The following PDE11A variants were observed in gnomAD, a reference collection of about 807,000 sequenced individuals.
PDE11A encodes dual 3',5'-cyclic-AMP and -GMP phosphodiesterase 11A.
Under a neutral mutation model 100.5 loss-of-function variants are expected in PDE11A, and 100 were observed. The observed-to-expected ratio is 1.00, with a 90% CI of 0.85 to 1.18. The LOEUF is 1.18. Ranked by LOEUF, PDE11A falls within the 50% of genes most tolerant of loss-of-function variation. The pLI, the probability that PDE11A is intolerant of heterozygous loss-of-function variation, is 0.00. For synonymous variants in PDE11A, 381 were observed against 420.8 expected (o/e 0.91, Z 1.16); for missense variants, 1,141 against 1,152.6 (o/e 0.99, Z 0.15).
At chr2:177,676,506 T>C (rs1285242544) in intron 16 of PDE11A, among the ~76,000 whole-genome samples, 2 of 152,212 alleles carry the variant, frequency 1.3e-5, no homozygotes, top group Admixed American at 6.5e-5. Flanking sequence ...GCTGCCCAGA[T>C]GGCAGAGCAT....
chr2:177,730,672 T>C (rs1408432568), intron 10 of PDE11A, among the ~76,000 whole-genome samples: 1 of 152,158 alleles, frequency 6.6e-6, no homozygotes, highest in Non-Finnish European at 1.5e-5. Flanking sequence ...TATGTATTTT[T>C]AATAGTACCC....
chr2:177,953,925 A>C (rs1247352560), intron 2 of PDE11A, among the ~76,000 whole-genome samples: 1 of 152,148 alleles, frequency 6.6e-6, no homozygotes, highest in Admixed American at 6.6e-5. Context: ...GAATAATGCT[A>C]GAGTACCAAA....
At chr2:177,816,394 G>A (rs1297787975) in intron 9 of PDE11A, among the ~76,000 whole-genome samples, 1 of 152,074 alleles carries the variant, frequency 6.6e-6, no homozygotes, top group Non-Finnish European at 1.5e-5. Flanking sequence ...GAGGGAGGAA[G>A]AAAGGGAATC....
intron 2 of PDE11A, among the ~76,000 whole-genome samples, chr2:177,968,711 C>A (rs2085730023): frequency 1.3e-5 from 2 of 152,170 alleles, no homozygotes; most frequent in Non-Finnish European, 1.5e-5. Context: ...ATCAAAACCA[C>A]AATGAGATAC....
chr2:177,824,543 T>G (rs1173475002), intron 6 of PDE11A, among the ~76,000 whole-genome samples: 2 of 152,224 alleles, frequency 1.3e-5, no homozygotes, highest in East Asian at 3.8e-4. Context: ...AATAGGTTTA[T>G]TGATGTGTAT....
rs1423910950 is a variant in PDE11A, at chr2:177,922,453, AAAG to A, written c.1072-17269_1072-17267del. 2.0e-5 allele frequency among the ~76,000 whole-genome samples: 3 copies of A among 152,256 alleles called. No individual in the cohort carries two copies. The East Asian group carries it at 5.8e-4, about 29-fold the overall frequency. On this transcript the variant is annotated intron_variant, in intron 2 of 19. Coordinates refer to ENST00000286063, the MANE Select transcript of PDE11A (RefSeq NM_016953.4). Reference sequence around the variant, plus strand: ...AAGTATAATAATAATAAAATTAAAAAAAGAATATATAACAACAACAAAAAATAA... The same window carrying A: ...AAGTATAATAATAATAAAATTAAAAAAATATATAACAACAACAAAAAATAA...
At chr2:178,063,558 G>A (rs945798138) in intron 1 of PDE11A, among the ~76,000 whole-genome samples, 4 of 152,190 alleles carry the variant, frequency 2.6e-5, no homozygotes. Context: ...GAACTAGACA[G>A]GGTAGGTAGC....
intron 5 of PDE11A, among the ~76,000 whole-genome samples, chr2:177,845,068 G>A (rs1293376513): frequency 1.7e-4 from 26 of 151,948 alleles, no homozygotes; most frequent in Non-Finnish European, 2.5e-4. Flanking sequence ...CCTCCCAGAC[G>A]GGGTGGTGGC....
At chr2:177,734,246 T>TA (rs914957970) in intron 10 of PDE11A, among the ~76,000 whole-genome samples, 1 of 152,170 alleles carries the variant, frequency 6.6e-6, no homozygotes, top group African/African-American at 2.4e-5. Context: ...CCCAAATTGT[T>TA]ACTTTGTGTT....
rs143123933 is a variant in PDE11A at position 178,096,544 on chromosome 2, C to T, written c.162+7758G>A. The stretch of plus-strand genomic sequence containing the variant: ...CTTTTATGCTCTGTCACCTCTTGAA[C>T]GCTTTGCTGCTTAGAAATGTCTTCT... On this transcript the variant is annotated intron_variant, in intron 2 of 20. Coordinates refer to the PDE11A transcript ENST00000358450. Among the ~76,000 whole-genome samples, 350 of 152,194 alleles carry T rather than the reference C, an allele frequency of 2.3e-3. 1 individual carries two copies. The highest frequency in any genetic ancestry group is 7.5e-3 in the African/African-American group (310 of 41,516).
At chr2:177,997,588 A>G in intron 2 of PDE11A, 1 of 944,530 alleles carries the variant, frequency 1.1e-6, no homozygotes, top group East Asian at 2.4e-5. Flanking sequence ...TTTCACCTGG[A>G]GAGCTAAGTG....
chr2:177,687,815 A>G (rs559478249), intron 15 of PDE11A: 2 of 152,288 alleles, frequency 1.3e-5, no homozygotes, highest in South Asian at 2.1e-4. Context: ...TCTCCTATTA[A>G]TTCTCTCATT....
intron 2 of PDE11A, among the ~76,000 whole-genome samples, chr2:177,924,832 A>C (rs2085104032): frequency 6.9e-6 from 1 of 145,772 alleles, no homozygotes; most frequent in Non-Finnish European, 1.5e-5. Context: ...GCACCCACTA[A>C]CTCGTCATCT....
chr2:177,688,412 T>A (rs1329429062), intron 15 of PDE11A: 1 of 152,258 alleles, frequency 6.6e-6, no homozygotes, highest in African/African-American at 2.4e-5. Flanking sequence ...CATCTAAATG[T>A]ACATGTGTAT....
chr2:177,886,523 C>A (rs1441633929), intron 4 of PDE11A, among the ~76,000 whole-genome samples: 2 of 152,098 alleles, frequency 1.3e-5, no homozygotes, highest in African/African-American at 4.8e-5. Flanking sequence ...AATTTTTTCT[C>A]CCTTATTCCC....
chr2:177,972,238 A>T (rs2085781007), intron 2 of PDE11A, among the ~76,000 whole-genome samples: 1 of 152,246 alleles, frequency 6.6e-6, no homozygotes, highest in Non-Finnish European at 1.5e-5. Flanking sequence ...ACTGAAGGGC[A>T]TGCAGGAAAG....
In PDE11A at chr2:177,626,210, G is replaced by A. The variant is rs995156458; in HGVS notation, c.*3197C>T. ...TAAATTATGTTCCCCTTAGCAATAT[G>A]TAGCATCAATGTTCAGGATAGCTAC... On this transcript the variant is annotated 3_prime_UTR_variant, in exon 20 of 20. Coordinates refer to ENST00000286063, the MANE Select transcript of PDE11A (RefSeq NM_016953.4). 6.6e-6 allele frequency: 1 copy of A among 152,640 alleles called. No homozygotes were observed. The highest frequency in any genetic ancestry group is 1.5e-5 in the Non-Finnish European group (1 of 68,044). The allele number at this position is 152,640 out of a possible 1,614,324, so 9.5% of individuals were successfully genotyped here.
At chr2:178,075,194 G>C (rs998120934), upstream of PDE11A, among the ~76,000 whole-genome samples, 2 of 152,078 alleles carry the variant, frequency 1.3e-5, no homozygotes, top group Non-Finnish European at 2.9e-5. Flanking sequence ...AAGTTACTAG[G>C]ACTTGGAAGG....
At chr2:178,071,139 C>T (rs775568787) in intron 1 of PDE11A, among the ~76,000 whole-genome samples, 22 of 152,184 alleles carry the variant, frequency 1.4e-4, no homozygotes, top group Non-Finnish European at 2.6e-4. Flanking sequence ...CATCTTAACA[C>T]CGGAATTCTG....
Sources: gnomAD v4.1 joint callset for allele counts (sites outside exome capture counted in the v4.1 genomes callset) on GRCh38, gnomAD v4.1.1 for gene constraint, MANE v1.5 for transcripts, NCBI Gene and HGNC (gene_info 2026-07-23, HGNC 2026-07-21) for gene names.